Variants in BICC1 observed in about 807,000 individuals in gnomAD.
The protein encoded by BICC1 is BicC family RNA binding protein 1, also known as protein bicaudal C homolog 1.
BICC1 carries 43 observed loss-of-function variants against 111.0 expected under a neutral mutation model. That is an observed-to-expected ratio of 0.39 (90% CI 0.30 to 0.50). The LOEUF is 0.50. Among genes scored for constraint, BICC1 ranks in the 20% least tolerant of loss-of-function variants. The probability of loss-of-function intolerance (pLI) is 0.88; values close to 1 mark genes in which losing one functional copy is unlikely to be tolerated. For synonymous variants in BICC1, 467 were observed against 434.4 expected, an observed-to-expected ratio of 1.07 and a Z score of -0.93; for missense variants, 1,091 against 1,203.2, an observed-to-expected ratio of 0.91 and a Z score of 1.38.
intron 2 of BICC1, among the ~76,000 whole-genome samples, chr10:58,701,190 G>A (rs1447059861): frequency 6.6e-6 from 1 of 152,044 alleles, no homozygotes; most frequent in Non-Finnish European, 1.5e-5. Context: ...TATTATCCCA[G>A]TCTAATTCAA....
At chr10:58,682,757 G>A (rs1839574718) in intron 2 of BICC1, among the ~76,000 whole-genome samples, 1 of 152,198 alleles carries the variant, frequency 6.6e-6, no homozygotes, top group African/African-American at 2.4e-5. Flanking sequence ...ATTTGTTGAA[G>A]TTCTTTGTAG....
chr10:58,802,551 G>A (rs536465852), intron 14 of BICC1, among the ~76,000 whole-genome samples: 32 of 152,206 alleles, frequency 2.1e-4, no homozygotes, highest in African/African-American at 7.0e-4. Context: ...AACAGACTTT[G>A]AAGAATATTT....
chr10:58,541,344 A>G (rs1701841109), intron 1 of BICC1, among the ~76,000 whole-genome samples: 1 of 152,144 alleles, frequency 6.6e-6, no homozygotes. Flanking sequence ...ACTAATAAAC[A>G]AATTTAGCAA....
intron 2 of BICC1, among the ~76,000 whole-genome samples, chr10:58,657,329 A>G (rs571116264): frequency 5.1e-4 from 77 of 152,282 alleles, no homozygotes; most frequent in African/African-American, 1.8e-3. Context: ...ACTGCTCTGC[A>G]TTATAATAGG....
intron 1 of BICC1, among the ~76,000 whole-genome samples, chr10:58,541,454 G>T (rs1842978844): frequency 6.6e-6 from 1 of 152,026 alleles, no homozygotes; most frequent in African/African-American, 2.4e-5. Context: ...CACATTTACA[G>T]TAGCATCAAA....
chr10:58,813,712 ACTGCG>A, intron 17 of BICC1, 113 bp from the exon 18 acceptor site: 1 of 1,040,916 alleles, frequency 9.6e-7, no homozygotes, highest in Admixed American at 2.1e-5. Context: ...CTCATGAGTA[ACTGCG>A]GTGGTTGGCA....
At chr10:58,716,403 A>T (rs1840742004) in intron 3 of BICC1, 2 of 1,054,544 alleles carry the variant, frequency 1.9e-6, no homozygotes, top group African/African-American at 3.2e-5. Flanking sequence ...TTTTAGAATT[A>T]TTCCTGGACT....
chr10:58,768,733 A>G (rs926750158), intron 3 of BICC1, among the ~76,000 whole-genome samples: 10 of 152,148 alleles, frequency 6.6e-5, no homozygotes, highest in Admixed American at 2.6e-4. Flanking sequence ...ACCAGCTTCA[A>G]ATAGACTCAT....
At chr10:58,684,427 T>G (rs760748572) in intron 2 of BICC1, among the ~76,000 whole-genome samples, 2 of 152,190 alleles carry the variant, frequency 1.3e-5, no homozygotes, top group African/African-American at 4.8e-5. Context: ...TTTCTTTTGA[T>G]TGGAATAGTT....
chr10:58,712,006 C>A (rs567516611), intron 3 of BICC1, among the ~76,000 whole-genome samples: 1 of 152,110 alleles, frequency 6.6e-6, no homozygotes, highest in African/African-American at 2.4e-5. Context: ...TAAAACCTAA[C>A]AATAAGAAAA....
At chr10:58,552,849 G>A (rs933247825) in intron 1 of BICC1, among the ~76,000 whole-genome samples, 1 of 152,104 alleles carries the variant, frequency 6.6e-6, no homozygotes, top group Non-Finnish European at 1.5e-5. Flanking sequence ...TGTATTCCTT[G>A]TGACGTTTTT....
intron 2 of BICC1, among the ~76,000 whole-genome samples, chr10:58,692,156 T>C (rs1564557050): frequency 6.6e-6 from 1 of 152,000 alleles, no homozygotes; most frequent in Non-Finnish European, 1.5e-5. Flanking sequence ...TGCCACAATA[T>C]ACTGAGTATG....
At chr10:58,555,291 T>C (rs1273750142) in intron 1 of BICC1, among the ~76,000 whole-genome samples, 1 of 145,292 alleles carries the variant, frequency 6.9e-6, no homozygotes, top group African/African-American at 2.6e-5. Flanking sequence ...CTGAAGAGAA[T>C]AGAGGCTGTT....
At chr10:58,632,861 G>A (rs200340879) in intron 2 of BICC1, among the ~76,000 whole-genome samples, 4 of 150,698 alleles carry the variant, frequency 2.7e-5, no homozygotes, top group East Asian at 2.0e-4. Context: ...ATAGATAGAT[G>A]GATAGATAGA....
rs1361694973 is a variant in BICC1, at chr10:58,817,607, C to T, written c.2579C>T (p.Ser860Leu). The change falls in exon 19 of 21, where the codon TCG becomes TTG. Residue 860 changes from serine to leucine, a missense_variant. Transcript: ENST00000373886. ...AGCAATTACATGGACTGCATTTCCT[C>T]GCTGACAGGAAGCAATGGCTGTAAC... ...SSSNYMDCIS[S>L]LTGSNGCNLN... is the part of the protein sequence containing the mutation. The T allele has an allele frequency of 2.5e-6, 4 of 1,613,556 alleles. No individual in the cohort carries two copies. The highest frequency in any genetic ancestry group is 1.7e-5 in the Admixed American group (1 of 59,960).
At chr10:58,691,459 C>T (rs1021540541) in intron 2 of BICC1, among the ~76,000 whole-genome samples, 5 of 152,148 alleles carry the variant, frequency 3.3e-5, no homozygotes, top group Non-Finnish European at 7.3e-5. Context: ...TCTTCACTAA[C>T]ATTATAGGCC....
rs1238455046 is a variant in BICC1 at position 58,683,545 on chromosome 10, CTT to C, written c.238-18526_238-18525del. ...ATGTTCTTCCATTTGTTTGTGTCCT[CTT>C]TTATTTCGTTGAGCAGTGGTTTGTA... On this transcript the variant is annotated intron_variant, in intron 2 of 20. Transcript: ENST00000373886. Among the ~76,000 whole-genome samples the C allele has an allele frequency of 1.1e-4, 17 of 152,168 alleles. 1 individual carries two copies. The highest frequency in any genetic ancestry group is 4.1e-4 in the African/African-American group (17 of 41,442).
chr10:58,787,193 A>G (rs1156615740), intron 5 of BICC1, 112 bp downstream of exon 5: 1 of 975,300 alleles, frequency 1.0e-6, no homozygotes, highest in Non-Finnish European at 1.5e-6. Flanking sequence ...AATCACATAG[A>G]TGACATACAG....
Position 58,829,022 on chromosome 10 carries a change from C to T in BICC1, c.*131C>T, listed in dbSNP as rs936537495. 1.5e-5 allele frequency: 16 copies of T among 1,063,496 alleles called. No homozygotes were observed. The highest frequency in any genetic ancestry group is 2.1e-5 in the Non-Finnish European group (16 of 751,548). The allele number at this position is 1,063,496 out of a possible 1,614,324, so 65.9% of individuals were successfully genotyped here. A position where few individuals can be genotyped will look rare whatever the true frequency, so the allele number is the denominator to read the frequency against. On this transcript the variant is annotated 3_prime_UTR_variant, in exon 21 of 21. Transcript: ENST00000373886. The stretch of plus-strand genomic sequence containing the variant: ...TCAGGACCAAAGCATTTTATTCGCA[C>T]CTGTACTTTATGGCAAAAAGGAAGA...
Sources: allele counts gnomAD v4.1 joint callset (sites outside exome capture counted in the v4.1 genomes callset), GRCh38; gene constraint gnomAD v4.1.1; transcripts MANE v1.5; gene names NCBI Gene and HGNC (gene_info 2026-07-23, HGNC 2026-07-21).